Variants in SLC11A2 observed in about 807,000 individuals in gnomAD.
The protein encoded by SLC11A2 is natural resistance-associated macrophage protein 2.
Under a neutral mutation model 68.0 loss-of-function variants are expected in SLC11A2, and 38 were observed. The observed-to-expected ratio is 0.56, with a 90% CI of 0.43 to 0.73. The LOEUF (loss-of-function observed/expected upper bound fraction) is 0.73, where lower values mean the gene tolerates loss of function less well. Among genes scored for constraint, SLC11A2 ranks in the 30% least tolerant of loss-of-function variants. The pLI, the probability that SLC11A2 is intolerant of heterozygous loss-of-function variation, is 0.00. For missense variants in SLC11A2, 517 were observed against 690.5 expected, an observed-to-expected ratio of 0.75 and a Z score of 2.82; for synonymous variants, 242 against 250.6, an observed-to-expected ratio of 0.97 and a Z score of 0.32.
At chr12:50,999,743 G>A (rs926722353) in intron 6 of SLC11A2, among the ~76,000 whole-genome samples, 16 of 151,602 alleles carry the variant, frequency 1.1e-4, no homozygotes, top group South Asian at 4.2e-4. Context: ...AGTGGCTCAC[G>A]CCTGTAATAC....
chr12:50,981,958 T>A (rs1223016596), downstream of SLC11A2, among the ~76,000 whole-genome samples: 4 of 152,218 alleles, frequency 2.6e-5, no homozygotes, highest in African/African-American at 9.6e-5. Flanking sequence ...TACAGATACA[T>A]ACATGAATGG....
At position 51,010,801 on chromosome 12, in the gene SLC11A2, A is replaced by G. The variant is rs895158723; in HGVS notation, c.-38-35T>C. The G allele has an allele frequency of 1.5e-5, 18 of 1,210,342 alleles. No homozygotes were observed. In the Admixed American group the frequency reaches 2.9e-4, roughly 19 times the overall value. The allele number at this position is 1,210,342 out of a possible 1,614,324, so 75.0% of individuals were successfully genotyped here. On this transcript the variant is annotated intron_variant, in intron 1 of 15. Transcript: ENST00000262052. ...AGAAAAGTGAGGGAGAAGAATTAGG[A>G]AGAACAAACTAACAAGTTCAGAACC...
rs753569464 is a variant in SLC11A2 at position 50,992,265 on chromosome 12, C to T, written c.1272G>A (p.Leu424=). The T allele has an allele frequency of 9.3e-6, 15 of 1,613,830 alleles. No individual in the cohort carries two copies. The East Asian group carries it at 3.1e-4, about 34-fold the overall frequency. Residue 424 remains leucine (L), a synonymous_variant, in exon 13 of 16, where the codon CTG becomes CTA. Coordinates refer to ENST00000262052, the MANE Select transcript of SLC11A2 (RefSeq NM_000617.3). ...LTRSIAIIPT[L]LVAVFQDVEH... is the part of the protein sequence containing the mutation. ...CTACATCTTGGAAGACAGCAACAAG[C>T]AGAGTGGGGATGATGGCAATAGAGC...
At chr12:50,964,918 G>C in the SLC11A2 span, among the ~76,000 whole-genome samples, 5 of 152,136 alleles carry the variant, frequency 3.3e-5, no homozygotes, top group Admixed American at 6.6e-5. Context: ...TGTAGAGGCA[G>C]AGTCTCACTA....
At chr12:51,008,894 G>C (rs971574116) in intron 2 of SLC11A2, among the ~76,000 whole-genome samples, 17 of 151,400 alleles carry the variant, frequency 1.1e-4, no homozygotes, top group Non-Finnish European at 2.1e-4. Flanking sequence ...CAATTCTCTA[G>C]ATCAGTTTTA....
downstream of SLC11A2, among the ~76,000 whole-genome samples, chr12:50,982,922 C>T (rs1034622479): frequency 7.0e-6 from 1 of 141,926 alleles, no homozygotes; most frequent in Non-Finnish European, 1.5e-5. Context: ...GCCTGGGCAA[C>T]ACAGCGAGAC....
rs1941527714 is a variant in SLC11A2, at chr12:50,994,642, AGC to A, written c.991-14_991-13del. ...GTACAGACTTCAACCTAGAACCCAAAGCAATTCAACAGCAACTTTTGTTTCAG... is the reference window on the plus strand; with the variant it reads ...GTACAGACTTCAACCTAGAACCCAAAAATTCAACAGCAACTTTTGTTTCAG... On this transcript the variant is annotated splice_polypyrimidine_tract_variant and intron_variant, in intron 10 of 15. Transcript: ENST00000262052. The A allele has an allele frequency of 3.2e-5, 51 of 1,578,322 alleles. No individual in the cohort carries two copies. Among genetic ancestry groups the A allele is most frequent in the Non-Finnish European group, 4.4e-5 (51 of 1,147,406 alleles).
At chr12:50,961,967 C>T in the SLC11A2 span, among the ~76,000 whole-genome samples, 1 of 152,204 alleles carries the variant, frequency 6.6e-6, no homozygotes, top group Non-Finnish European at 1.5e-5. Context: ...GATTGAATGC[C>T]TGCTATGTAC....
chr12:50,979,363 T>C (rs1363927776), downstream of SLC11A2: 1 of 160,378 alleles, frequency 6.2e-6, no homozygotes, highest in African/African-American at 2.4e-5. Flanking sequence ...GGAAAAGAGC[T>C]ATAGAAATTC....
the SLC11A2 span, among the ~76,000 whole-genome samples, chr12:50,961,313 T>G: frequency 6.6e-6 from 1 of 152,154 alleles, no homozygotes; most frequent in Non-Finnish European, 1.5e-5. Context: ...AAACCTATGG[T>G]AGAAAACTAG....
intron 1 of SLC11A2, chr12:51,014,035 T>G (rs1943438493): frequency 6.6e-6 from 1 of 152,176 alleles, no homozygotes; most frequent in African/African-American, 2.4e-5. Context: ...TTGGCCAGGC[T>G]GGTCTGAAAC....
Position 50,987,335 on chromosome 12 carries a change from T to A in SLC11A2, c.*990A>T. 1 of 1,287,234 alleles carries A rather than the reference T, an allele frequency of 7.8e-7. No homozygotes were observed. Among genetic ancestry groups the A allele is most frequent in the Non-Finnish European group, 1.0e-6 (1 of 988,702 alleles). 79.7% of individuals were successfully genotyped at this position (1,287,234 alleles called of 1,614,324 possible). ...TCCTGAGATTGCCTCGCAAGTCATC[T>A]TGGGCATGAAGCAGAGCGGTGCATC... On this transcript the variant is annotated 3_prime_UTR_variant, in exon 16 of 16. Coordinates refer to ENST00000262052, the MANE Select transcript of SLC11A2 (RefSeq NM_000617.3).
At position 50,993,600 on chromosome 12, in the gene SLC11A2, G is replaced by A. The variant is rs191647711; in HGVS notation, c.1078-671C>T. Among the ~76,000 whole-genome samples, 6 of 151,828 alleles carry A rather than the reference G, an allele frequency of 4.0e-5. No individual in the cohort carries two copies. In the East Asian group the frequency reaches 7.8e-4, roughly 20 times the overall value. On this transcript the variant is annotated intron_variant, in intron 11 of 15. Transcript: ENST00000262052. ...CAGCACTTTGGGAGGCCGAGGGGGG[G>A]GTGGATCACCTGAGGTCAGGAGTTC...
At chr12:50,965,187 C>T in the SLC11A2 span, among the ~76,000 whole-genome samples, 4 of 152,142 alleles carry the variant, frequency 2.6e-5, no homozygotes, top group South Asian at 2.1e-4. Flanking sequence ...GATCATGGCT[C>T]GCTACAGCCC....
At position 51,000,478 on chromosome 12, in the gene SLC11A2, C is replaced by T. The variant is rs953633744; in HGVS notation, c.430-59G>A. The T allele has an allele frequency of 3.7e-6, 5 of 1,357,372 alleles. No homozygotes were observed. In the Admixed American group the frequency reaches 5.3e-5, roughly 14 times the overall value. 84.1% of individuals were successfully genotyped at this position (1,357,372 alleles called of 1,614,324 possible). On this transcript the variant is annotated intron_variant, in intron 5 of 15. Transcript: ENST00000262052. The stretch of plus-strand genomic sequence containing the variant: ...ATTAATCATTTCTAAAAAATTCCTC[C>T]ACAATTTGGAATTCACATTTTGGCA...
intron 12 of SLC11A2, 71 bp downstream of exon 12, chr12:50,992,739 A>T (rs1941289426): frequency 1.4e-6 from 2 of 1,459,424 alleles, no homozygotes; most frequent in South Asian, 1.2e-5. Context: ...TCAAAAAAAA[A>T]AAAAAAAGAA....
Position 50,986,734 on chromosome 12 carries a change from A to G in SLC11A2, c.*1591T>C. On this transcript the variant is annotated 3_prime_UTR_variant, in exon 16 of 16. Transcript: ENST00000262052. ...AAGAGGAATGGTTAGGGGAATTGTC[A>G]TTCATAACTCTGTGCTATATTACTT... is the stretch of plus-strand genomic sequence containing the variant. The G allele has an allele frequency of 7.8e-7, 1 of 1,287,160 alleles. No homozygotes were observed. The highest frequency in any genetic ancestry group is 1.0e-6 in the Non-Finnish European group (1 of 988,662). 79.7% of individuals were successfully genotyped at this position (1,287,160 alleles called of 1,614,324 possible). A position where few individuals can be genotyped will look rare whatever the true frequency, so the allele number is the denominator to read the frequency against.
the SLC11A2 span, chr12:50,970,517 C>G: frequency 6.7e-7 from 1 of 1,493,964 alleles, no homozygotes; most frequent in South Asian, 1.2e-5. Context: ...AGCTTACATG[C>G]TGGAAGCAAG....
chr12:50,978,413 G>A (rs1203669614), downstream of SLC11A2, among the ~76,000 whole-genome samples: 9 of 146,918 alleles, frequency 6.1e-5, no homozygotes, highest in African/African-American at 2.3e-4. Flanking sequence ...AACGTCGCAT[G>A]TTCTCACTCA....
Sources: gnomAD v4.1 joint callset for allele counts (sites outside exome capture counted in the v4.1 genomes callset) on GRCh38, gnomAD v4.1.1 for gene constraint, MANE v1.5 for transcripts, NCBI Gene and HGNC (gene_info 2026-07-23, HGNC 2026-07-21) for gene names.